The following RBFOX1 variants were observed in gnomAD, a reference collection of about 807,000 sequenced individuals.
RBFOX1 encodes RNA binding fox-1 homolog 1, also known as RNA binding protein fox-1 homolog 1.
A neutral mutation model predicts 57.7 loss-of-function variants in RBFOX1; 8 were observed. That is an observed-to-expected ratio of 0.14 (90% CI 0.08 to 0.25). The LOEUF (loss-of-function observed/expected upper bound fraction) is 0.25. Ranked by LOEUF, RBFOX1 falls within the 10% of genes least tolerant of loss-of-function variation. RBFOX1 has a pLI of 1.00. For missense variants in RBFOX1, 611 were observed against 548.5 expected (o/e 1.11, Z -1.14); for synonymous variants, 326 against 222.4 (o/e 1.47, Z -4.15).
chr16:6,532,317 T>A (rs534124640), intron 2 of RBFOX1, among the ~76,000 whole-genome samples: 1 of 152,150 alleles, frequency 6.6e-6, no homozygotes, highest in African/African-American at 2.4e-5. Context: ...AGTGAGCAAG[T>A]GATCTCCATT....
At chr16:6,759,538 C>A (rs981639619) in intron 3 of RBFOX1, among the ~76,000 whole-genome samples, 2 of 148,890 alleles carry the variant, frequency 1.3e-5, no homozygotes, top group African/African-American at 5.0e-5. Flanking sequence ...CAGTTTTTGT[C>A]CATCTGACAG....
intron 1 of RBFOX1, among the ~76,000 whole-genome samples, chr16:5,342,801 C>T (rs1219550955): frequency 1.3e-5 from 2 of 152,194 alleles, no homozygotes; most frequent in African/African-American, 4.8e-5. Flanking sequence ...GCAAAACCAT[C>T]TGCTTACCTA....
intron 1 of RBFOX1, among the ~76,000 whole-genome samples, chr16:5,441,302 T>G (rs1255970106): frequency 1.3e-5 from 2 of 152,100 alleles, no homozygotes; most frequent in Non-Finnish European, 2.9e-5. Context: ...AGTGTATTAG[T>G]CTGTTCTCAT....
intron 3 of RBFOX1, among the ~76,000 whole-genome samples, chr16:5,786,933 C>T (rs1158881386): frequency 1.3e-5 from 2 of 152,068 alleles, no homozygotes; most frequent in African/African-American, 2.4e-5. Flanking sequence ...GTCAGGAGAT[C>T]GAGACCAGCC....
intron 3 of RBFOX1, among the ~76,000 whole-genome samples, chr16:5,720,102 A>G (rs1056904084): frequency 3.9e-5 from 6 of 152,114 alleles, no homozygotes; most frequent in African/African-American, 1.4e-4. Flanking sequence ...TTTGGTTTTT[A>G]TTCTGGCCAT....
intron 3 of RBFOX1, among the ~76,000 whole-genome samples, chr16:6,916,747 C>G (rs2073264241): frequency 1.3e-5 from 2 of 152,164 alleles, no homozygotes; most frequent in Admixed American, 6.5e-5. Flanking sequence ...TTACTTCCAG[C>G]TTTTTTCTAC....
chr16:5,371,909 A>G (rs569367139), intron 1 of RBFOX1, among the ~76,000 whole-genome samples: 1 of 152,346 alleles, frequency 6.6e-6, no homozygotes, highest in Non-Finnish European at 1.5e-5. Context: ...GTTTCCGACC[A>G]GTAATCTTTC....
At chr16:5,479,705 T>A (rs1415596650) in intron 2 of RBFOX1, among the ~76,000 whole-genome samples, 1 of 151,932 alleles carries the variant, frequency 6.6e-6, no homozygotes, top group Non-Finnish European at 1.5e-5. Flanking sequence ...GTTGCAGTGA[T>A]CCAAGATCGC....
chr16:5,589,740 C>G (rs1260073461), intron 2 of RBFOX1, among the ~76,000 whole-genome samples: 1 of 152,112 alleles, frequency 6.6e-6, no homozygotes, highest in Non-Finnish European at 1.5e-5. Context: ...AGTGTAGAGT[C>G]TGAAGCTCAG....
At chr16:6,562,876 C>CTTTT (rs755324493) in intron 2 of RBFOX1, among the ~76,000 whole-genome samples, 4 of 48,454 alleles carry the variant, frequency 8.3e-5, no homozygotes, top group Non-Finnish European at 1.1e-4. Flanking sequence ...TTCTTTCTTT[C>CTTTT]TTTCTTTTTT....
At chr16:5,893,497 C>T (rs181774244) in intron 4 of RBFOX1, among the ~76,000 whole-genome samples, 5 of 152,218 alleles carry the variant, frequency 3.3e-5, no homozygotes, top group East Asian at 1.9e-4. Flanking sequence ...TGTTACGCAT[C>T]GCATACCTGT....
At chr16:6,893,392 T>A (rs1310196458) in intron 3 of RBFOX1, among the ~76,000 whole-genome samples, 1 of 152,182 alleles carries the variant, frequency 6.6e-6, no homozygotes. Context: ...AAGGCTTTCT[T>A]TATCCCTGTA....
intron 4 of RBFOX1, among the ~76,000 whole-genome samples, chr16:5,953,327 A>T (rs1033725101): frequency 3.3e-5 from 5 of 152,168 alleles, no homozygotes; most frequent in African/African-American, 1.2e-4. Flanking sequence ...GCATACTTTT[A>T]AAAAAATTAT....
chr16:7,711,311 C>A lies in RBFOX1; in HGVS notation c.*566C>A, dbSNP rs990398806. 1.3e-5 allele frequency: 2 copies of A among 152,334 alleles called. No individual in the cohort carries two copies. The highest frequency in any genetic ancestry group is 4.8e-5 in the African/African-American group (2 of 41,374). The allele number at this position is 152,334 out of a possible 1,614,324, so 9.4% of individuals were successfully genotyped here. On this transcript the variant is annotated 3_prime_UTR_variant, in exon 16 of 16. Transcript: ENST00000550418. ...TCAATGGTTCTAAGTTACTCATTGC[C>A]AGTTCAAGCCAAAGGTCATGTTGTT...
At chr16:7,502,757 C>A (rs899920513) in intron 4 of RBFOX1, among the ~76,000 whole-genome samples, 1 of 152,158 alleles carries the variant, frequency 6.6e-6, no homozygotes, top group Non-Finnish European at 1.5e-5. Flanking sequence ...GGAGTACTGG[C>A]TCATGCCTGT....
intron 3 of RBFOX1, among the ~76,000 whole-genome samples, chr16:5,719,797 T>C (rs1050677987): frequency 6.6e-6 from 1 of 152,188 alleles, no homozygotes; most frequent in African/African-American, 2.4e-5. Context: ...ATTTTATTTG[T>C]TTATCATTTG....
chr16:7,022,771 T>G (rs148420390), intron 3 of RBFOX1, among the ~76,000 whole-genome samples: 1 of 152,304 alleles, frequency 6.6e-6, no homozygotes, highest in African/African-American at 2.4e-5. Context: ...GTTTGGTATA[T>G]TAGCTCATTT....
chr16:5,902,377 C>T (rs2058324863), intron 4 of RBFOX1, among the ~76,000 whole-genome samples: 1 of 152,110 alleles, frequency 6.6e-6, no homozygotes, highest in African/African-American at 2.4e-5. Flanking sequence ...TGCTGCCTTT[C>T]TTTGAAGAGA....
chr16:5,845,764 T>C (rs2056740682), intron 3 of RBFOX1, among the ~76,000 whole-genome samples: 1 of 152,124 alleles, frequency 6.6e-6, no homozygotes, highest in South Asian at 2.1e-4. Context: ...TGGTGACTCT[T>C]ATTGGATGGC....
Sources: gnomAD v4.1 joint callset for allele counts (sites outside exome capture counted in the v4.1 genomes callset) on GRCh38, gnomAD v4.1.1 for gene constraint, MANE v1.5 for transcripts, NCBI Gene and HGNC (gene_info 2026-07-23, HGNC 2026-07-21) for gene names.